IL1RAPL1: variants seen among roughly 807,000 people sequenced by gnomAD.
IL1RAPL1 encodes interleukin 1 receptor accessory protein like 1, also known as interleukin-1 receptor accessory protein-like 1.
IL1RAPL1 carries 3 observed loss-of-function variants against 48.4 expected under a neutral mutation model. The ratio of observed to expected loss-of-function variants is 0.06; its 90% CI spans 0.03 to 0.16. The LOEUF (loss-of-function observed/expected upper bound fraction) is 0.16, where lower values mean the gene tolerates loss of function less well. Among genes scored for constraint, IL1RAPL1 ranks in the 10% least tolerant of loss-of-function variants. The pLI is 1.00. For synonymous variants in IL1RAPL1, 185 were observed against 187.7 expected (o/e 0.99, Z 0.12); for missense variants, 349 against 530.6 (o/e 0.66, Z 3.36).
chrX:29,803,453 G>T (rs1169455884), intron 6 of IL1RAPL1, among the ~76,000 whole-genome samples: 1 of 94,246 alleles, frequency 1.1e-5, no homozygotes, highest in Non-Finnish European at 2.1e-5. Flanking sequence ...GTATATATGT[G>T]TGTATATATG....
intron 2 of IL1RAPL1, among the ~76,000 whole-genome samples, chrX:28,928,401 T>C (rs763758219): frequency 9.0e-6 from 1 of 111,503 alleles, no homozygotes; most frequent in Admixed American, 9.6e-5. Flanking sequence ...TTTGAAAAGG[T>C]AGACCAGGTA....
chrX:29,770,108 A>C (rs758985865), intron 6 of IL1RAPL1, among the ~76,000 whole-genome samples: 1 of 112,322 alleles, frequency 8.9e-6, no homozygotes, highest in Non-Finnish European at 1.9e-5. Flanking sequence ...TTGCTTTTCT[A>C]TATGACTGAC....
At chrX:29,904,825 A>G (rs938819780) in intron 6 of IL1RAPL1, among the ~76,000 whole-genome samples, 1 of 112,033 alleles carries the variant, frequency 8.9e-6, no homozygotes, top group Non-Finnish European at 1.9e-5. Flanking sequence ...TAGTGCTGCA[A>G]TACACATACG....
chrX:29,694,342 C>A (rs1412010013), intron 6 of IL1RAPL1, among the ~76,000 whole-genome samples: 1 of 111,828 alleles, frequency 8.9e-6, no homozygotes, highest in East Asian at 2.8e-4. Context: ...AGAGATTTCC[C>A]AGTTTTGATC....
intron 6 of IL1RAPL1, among the ~76,000 whole-genome samples, chrX:29,751,996 T>G (rs1056233798): frequency 2.0e-5 from 2 of 101,807 alleles, no homozygotes; most frequent in Admixed American, 2.2e-4. Context: ...TGTGTATATA[T>G]ATACACACAC....
intron 3 of IL1RAPL1, among the ~76,000 whole-genome samples, chrX:29,355,674 G>A (rs17282598): frequency 0.36 from 40,054 of 110,873 alleles, 6,126 homozygotes; most frequent in Middle Eastern, 0.55. Context: ...TTTAGGTGAG[G>A]AAGTATGGCA....
intron 5 of IL1RAPL1, among the ~76,000 whole-genome samples, chrX:29,637,873 T>A (rs764385379): frequency 8.0e-5 from 9 of 112,420 alleles, no homozygotes; most frequent in Non-Finnish European, 1.5e-4. Context: ...ACACTTGCTC[T>A]TTTTAGGCAA....
At chrX:29,738,536 C>T (rs1455056391) in intron 6 of IL1RAPL1, among the ~76,000 whole-genome samples, 1 of 92,974 alleles carries the variant, frequency 1.1e-5, no homozygotes, top group East Asian at 3.3e-4. Context: ...GCCTCGATTT[C>T]CTGGGCACAA....
At chrX:29,068,314 T>C (rs959854355) in intron 2 of IL1RAPL1, among the ~76,000 whole-genome samples, 1 of 112,277 alleles carries the variant, frequency 8.9e-6, no homozygotes, top group Non-Finnish European at 1.9e-5. Context: ...CCAATCTCCT[T>C]CTTCTATTAT....
intron 2 of IL1RAPL1, among the ~76,000 whole-genome samples, chrX:28,951,544 T>A (rs894702667): frequency 2.2e-4 from 25 of 111,181 alleles, no homozygotes; most frequent in African/African-American, 8.2e-4. Flanking sequence ...TTGTGAATAT[T>A]AAAAATATAG....
intron 5 of IL1RAPL1, among the ~76,000 whole-genome samples, chrX:29,539,841 T>C (rs1437782165): frequency 9.0e-6 from 1 of 111,310 alleles, no homozygotes; most frequent in Non-Finnish European, 1.9e-5. Flanking sequence ...CTCTTTTCCT[T>C]ATAAATTACC....
intron 2 of IL1RAPL1, among the ~76,000 whole-genome samples, chrX:29,282,313 A>G (rs939924753): frequency 2.7e-5 from 3 of 112,378 alleles, no homozygotes; most frequent in African/African-American, 9.7e-5. Flanking sequence ...GGAAGGTACA[A>G]CCATAGCTTA....
intron 6 of IL1RAPL1, among the ~76,000 whole-genome samples, chrX:29,802,791 G>A (rs201278838): frequency 0.35 from 11,948 of 33,710 alleles, 1,276 homozygotes; most frequent in Middle Eastern, 0.54. Context: ...ATGTGTGTGT[G>A]TATATATATA....
chrX:28,708,968 T>G (rs1935408102), intron 1 of IL1RAPL1, among the ~76,000 whole-genome samples: 1 of 111,608 alleles, frequency 9.0e-6, no homozygotes, highest in Non-Finnish European at 1.9e-5. Context: ...TTAATCACTA[T>G]ACGTAGATAC....
chrX:29,286,991 C>T (rs1344063316), intron 3 of IL1RAPL1, among the ~76,000 whole-genome samples: 1 of 110,829 alleles, frequency 9.0e-6, no homozygotes, highest in Non-Finnish European at 1.9e-5. Context: ...GGTACAATAT[C>T]ATAATCGGGA....
At chrX:29,889,816 T>G (rs769366906) in intron 6 of IL1RAPL1, among the ~76,000 whole-genome samples, 1 of 111,208 alleles carries the variant, frequency 9.0e-6, no homozygotes, top group Non-Finnish European at 1.9e-5. Context: ...AAGCACAGAA[T>G]GTGGGTAGGA....
In IL1RAPL1 at chrX:29,012,963, C is replaced by A. The variant is rs1454233410; in HGVS notation, c.82+223538C>A. Among the ~76,000 whole-genome samples, 3 of 111,663 alleles carry A rather than the reference C, an allele frequency of 2.7e-5. No individual in the cohort carries two copies. The Admixed American group carries it at 2.9e-4, about 11-fold the overall frequency. On this transcript the variant is annotated intron_variant, in intron 2 of 10. Transcript: ENST00000378993. ...AACAAGTGGGACCAAGATCTTAAAG[C>A]ATTTCATTAAAGAATTGTAACAGGA...
intron 9 of IL1RAPL1, among the ~76,000 whole-genome samples, chrX:29,943,743 T>A (rs1933172483): frequency 8.9e-6 from 1 of 112,087 alleles, no homozygotes; most frequent in Non-Finnish European, 1.9e-5. Flanking sequence ...AATCTGTCAT[T>A]TTCTGAATGT....
intron 8 of IL1RAPL1, among the ~76,000 whole-genome samples, chrX:29,932,192 G>T (rs1234523455): frequency 8.9e-6 from 1 of 112,222 alleles, no homozygotes; most frequent in Non-Finnish European, 1.9e-5. Context: ...ACACATAATG[G>T]TCTGTGTACA....
Sources: gnomAD v4.1 joint callset for allele counts (sites outside exome capture counted in the v4.1 genomes callset) on GRCh38, gnomAD v4.1.1 for gene constraint, MANE v1.5 for transcripts, NCBI Gene and HGNC (gene_info 2026-07-23, HGNC 2026-07-21) for gene names.